The following KIF27 variants were observed in gnomAD, a reference collection of about 807,000 sequenced individuals.
KIF27 encodes the protein kinesin family member 27.
A neutral mutation model predicts 141.8 loss-of-function variants in KIF27; 84 were observed. The ratio of observed to expected loss-of-function variants is 0.59; its 90% CI spans 0.50 to 0.71. The LOEUF is 0.71. Among genes scored for constraint, KIF27 ranks in the 30% least tolerant of loss-of-function variants. The probability of loss-of-function intolerance (pLI) is 0.00; values close to 1 mark genes in which losing one functional copy is unlikely to be tolerated. For synonymous variants in KIF27, 471 were observed against 569.5 expected (o/e 0.83, Z 2.46); for missense variants, 1,306 against 1,628.4 (o/e 0.80, Z 3.41).
In KIF27 at chr9:83,903,124, C is replaced by T; in HGVS notation, c.1394G>A (p.Ser465Asn). 1 of 1,614,186 alleles carries T rather than the reference C, an allele frequency of 6.2e-7. No individual in the cohort carries two copies. The highest frequency in any genetic ancestry group is 1.1e-5 in the South Asian group (1 of 91,082). Residue 465 changes from serine to asparagine, a missense_variant, in exon 4 of 18, where the codon AGT becomes AAT. Physicochemically the swap from Ser to Asn is conservative, Grantham distance 46 (BLOSUM62 1). Transcript: ENST00000297814. ...TSFRGIGGTA[S>N]LEEGPQHVTV... Reference sequence around the variant, plus strand: ...AACATGCTGTGGTCCTTCTTCCAGACTTGCAGTGCCTCCGATTCCTCGAAA... The same window carrying T: ...AACATGCTGTGGTCCTTCTTCCAGATTTGCAGTGCCTCCGATTCCTCGAAA...
rs1420165059 is a variant in KIF27, at chr9:83,850,276, C to T, written c.3379G>A (p.Glu1127Lys). The part of the protein sequence containing the change: ...FNKVVNLREA[E>K]RKQQLYNEEM... ...TCATTATATAACTGTTGTTTCCGTT[C>T]AGCTTCTCGCAAATTCACCACCTAA... Residue 1127 changes from glutamate (E) to lysine (K), a missense_variant, in exon 16 of 18, where the codon GAA becomes AAA. This residue lies in a region of KIF27 where 596 missense variants were observed against 751.6 expected (regional missense o/e 0.79). Coordinates refer to ENST00000297814, the MANE Select transcript of KIF27 (RefSeq NM_017576.4). The T allele has an allele frequency of 6.2e-7, 1 of 1,613,584 alleles. No individual in the cohort carries two copies. Among genetic ancestry groups the T allele is most frequent in the Non-Finnish European group, 8.5e-7 (1 of 1,179,550 alleles).
chr9:83,904,264 A>G (rs1028764574), intron 3 of KIF27, among the ~76,000 whole-genome samples: 3 of 152,250 alleles, frequency 2.0e-5, no homozygotes, highest in Non-Finnish European at 4.4e-5. Flanking sequence ...TTTTTGAAAA[A>G]ACAATCTAGT....
At chr9:83,880,603 C>T (rs1951597192) in intron 10 of KIF27, 109 bp from the exon 11 acceptor site, 9 of 929,824 alleles carry the variant, frequency 9.7e-6, no homozygotes, top group Non-Finnish European at 9.7e-6. Flanking sequence ...CCTAGATTTT[C>T]ATTTATTTTT....
At chr9:83,877,612 A>G (rs142174710) in intron 11 of KIF27, among the ~76,000 whole-genome samples, 1 of 152,210 alleles carries the variant, frequency 6.6e-6, no homozygotes, top group Non-Finnish European at 1.5e-5. Flanking sequence ...GGATTCTTAG[A>G]CATGACACCA....
intron 1 of KIF27, among the ~76,000 whole-genome samples, chr9:83,918,975 C>A (rs1351498544): frequency 6.6e-6 from 1 of 152,078 alleles, no homozygotes. Context: ...ACTAGGGAAG[C>A]TGAGGCAGGA....
intron 1 of KIF27, among the ~76,000 whole-genome samples, chr9:83,917,408 C>T (rs1955809305): frequency 6.6e-6 from 1 of 152,120 alleles, no homozygotes; most frequent in African/African-American, 2.4e-5. Context: ...TCTACAGACT[C>T]AATGCAATAC....
intron 16 of KIF27, among the ~76,000 whole-genome samples, chr9:83,845,352 C>A (rs946719706): frequency 1.3e-5 from 2 of 152,152 alleles, no homozygotes; most frequent in Non-Finnish European, 2.9e-5. Flanking sequence ...GTGGGTCGTG[C>A]ACAGCAGCAT....
chr9:83,895,839 T>C (rs1321831036), intron 5 of KIF27, among the ~76,000 whole-genome samples: 1 of 151,860 alleles, frequency 6.6e-6, no homozygotes, highest in Non-Finnish European at 1.5e-5. Flanking sequence ...AGGTAGATCA[T>C]TTGAGGTCAG....
intron 16 of KIF27, among the ~76,000 whole-genome samples, chr9:83,848,271 A>G (rs1225817109): frequency 9.1e-6 from 1 of 110,262 alleles, no homozygotes; most frequent in Admixed American, 9.4e-5. Flanking sequence ...ATGATATATC[A>G]GATATGATAT....
chr9:83,886,339 T>C (rs1208900765), intron 9 of KIF27, among the ~76,000 whole-genome samples: 1 of 152,100 alleles, frequency 6.6e-6, no homozygotes, highest in Non-Finnish European at 1.5e-5. Flanking sequence ...TACCAGAGCT[T>C]ATACAGAGAA....
intron 16 of KIF27, among the ~76,000 whole-genome samples, chr9:83,846,090 G>A (rs1374512830): frequency 2.0e-5 from 3 of 151,954 alleles, no homozygotes; most frequent in African/African-American, 7.3e-5. Flanking sequence ...ACTCACCAAG[G>A]CTGACCTGGC....
At chr9:83,901,956 GAATA>G (rs968658088) in intron 4 of KIF27, among the ~76,000 whole-genome samples, 4 of 152,168 alleles carry the variant, frequency 2.6e-5, no homozygotes, top group African/African-American at 4.8e-5. Context: ...AGTTTTGAAT[GAATA>G]AATAGCTTAG....
intron 13 of KIF27, among the ~76,000 whole-genome samples, chr9:83,865,951 G>T (rs1950320566): frequency 1.3e-5 from 2 of 152,006 alleles, no homozygotes; most frequent in South Asian, 4.1e-4. Flanking sequence ...TCTCCGGCTA[G>T]GAAGTATAAA....
intron 9 of KIF27, among the ~76,000 whole-genome samples, chr9:83,885,035 G>A (rs1046561786): frequency 1.3e-5 from 2 of 152,144 alleles, no homozygotes; most frequent in Non-Finnish European, 1.5e-5. Flanking sequence ...GCAAACTCGT[G>A]GCAGTAGAAA....
At chr9:83,909,518 G>A (rs560949638) in intron 2 of KIF27, among the ~76,000 whole-genome samples, 1 of 151,484 alleles carries the variant, frequency 6.6e-6, no homozygotes, top group South Asian at 2.1e-4. Flanking sequence ...GGTGGCTAAG[G>A]CAAGAGAATC....
chr9:83,873,194 G>A (rs974739244), intron 11 of KIF27, among the ~76,000 whole-genome samples: 5 of 152,198 alleles, frequency 3.3e-5, no homozygotes, highest in African/African-American at 1.2e-4. Flanking sequence ...ATACCAGCCA[G>A]GGGTTTCATC....
intron 13 of KIF27, among the ~76,000 whole-genome samples, chr9:83,860,949 A>G (rs1258288160): frequency 1.3e-5 from 2 of 151,968 alleles, no homozygotes; most frequent in Non-Finnish European, 2.9e-5. Context: ...CTAAGAAGAA[A>G]ATTATTTATT....
intron 9 of KIF27, among the ~76,000 whole-genome samples, chr9:83,886,341 T>A (rs397835023): frequency 1.3e-5 from 2 of 151,372 alleles, no homozygotes; most frequent in African/African-American, 4.9e-5. Context: ...CCAGAGCTTA[T>A]ACAGAGAAGA....
In KIF27 at chr9:83,836,917, G is replaced by A. The variant is rs554834323; in HGVS notation, c.*84C>T. 1.0e-5 allele frequency: 16 copies of A among 1,542,744 alleles called. No homozygotes were observed. In the Admixed American group the frequency reaches 2.2e-4, roughly 21 times the overall value. On this transcript the variant is annotated 3_prime_UTR_variant, in exon 18 of 18. Transcript: ENST00000297814. The stretch of plus-strand genomic sequence containing the variant: ...CTTCTTCCTTTATTCTGAGGAAAGA[G>A]GTAGTGAACTTGAGCTTTAGTTTTT...
Sources: allele counts gnomAD v4.1 joint callset (sites outside exome capture counted in the v4.1 genomes callset), GRCh38; gene constraint gnomAD v4.1.1; regional missense constraint gnomAD v4.1.1; transcripts MANE v1.5; gene names NCBI Gene and HGNC (gene_info 2026-07-23, HGNC 2026-07-21).